LIMS1: variants seen among roughly 807,000 people sequenced by gnomAD.
LIMS1 encodes the protein LIM and senescent cell antigen-like-containing domain protein 1.
A neutral mutation model predicts 44.1 loss-of-function variants in LIMS1; 18 were observed. That is an observed-to-expected ratio of 0.41 (90% CI 0.28 to 0.61). The LOEUF is 0.61. Ranked by LOEUF, LIMS1 falls within the 20% of genes least tolerant of loss-of-function variation. The probability of loss-of-function intolerance (pLI) is 0.32; values close to 1 mark genes in which losing one functional copy is unlikely to be tolerated. For missense variants in LIMS1, 201 were observed against 422.0 expected, an observed-to-expected ratio of 0.48 and a Z score of 4.59; for synonymous variants, 93 against 149.1, an observed-to-expected ratio of 0.62 and a Z score of 2.74.
In LIMS1 at chr2:108,679,553, T is replaced by C. The variant is rs182327781; in HGVS notation, c.824-1142T>C. Reference sequence around the variant, plus strand: ...GCATTTTATATCAGGGACTTGAGCGTCTGAGATTTTGGTATCCTCACAGCA... The same window carrying C: ...GCATTTTATATCAGGGACTTGAGCGCCTGAGATTTTGGTATCCTCACAGCA... On this transcript the variant is annotated intron_variant, in intron 8 of 9. Transcript: ENST00000544547. 1.4e-3 allele frequency among the ~76,000 whole-genome samples: 215 copies of C among 152,196 alleles called. 1 individual carries two copies. The highest frequency in any genetic ancestry group is 2.2e-4 in the Non-Finnish European group (15 of 68,002).
chr2:108,678,882 C>T (rs570608639), intron 8 of LIMS1, among the ~76,000 whole-genome samples: 11 of 152,294 alleles, frequency 7.2e-5, no homozygotes, highest in Admixed American at 3.3e-4. Flanking sequence ...AGCAAGCTCA[C>T]CTAAACAACA....
rs151262934 is a variant in LIMS1, at chr2:108,552,585, G to GGTGTGT, written c.32+18014_32+18019dup. Among the ~76,000 whole-genome samples, 164 of 101,904 alleles carry GGTGTGT rather than the reference G, an allele frequency of 1.6e-3. 1 individual carries two copies. Among genetic ancestry groups the GGTGTGT allele is most frequent in the African/African-American group, 3.7e-3 (123 of 32,908 alleles). 66.9% of individuals were successfully genotyped at this position (101,904 alleles called of 152,430 possible). On this transcript the variant is annotated intron_variant, in intron 1 of 9. Transcript: ENST00000544547. Reference sequence around the variant, plus strand: ...TTGGGGTGTATATATATATATTTTGGGTGTGTGTGTGTGTGTGTGTGTGTG... The same window carrying GGTGTGT: ...TTGGGGTGTATATATATATATTTTGGGTGTGTGTGTGTGTGTGTGTGTGTGTGTGTG...
chr2:108,677,612 C>T (rs1239821139), intron 7 of LIMS1: 2 of 235,738 alleles, frequency 8.5e-6, no homozygotes, highest in Middle Eastern at 1.4e-3. Context: ...CAGCTGCAAA[C>T]GACACTTCTC....
intron 1 of LIMS1, among the ~76,000 whole-genome samples, chr2:108,594,315 C>T (rs1014254637): frequency 4.6e-5 from 7 of 152,150 alleles, no homozygotes; most frequent in African/African-American, 1.4e-4. Context: ...CCATGACTAA[C>T]CCCAAGATGA....
intron 1 of LIMS1, among the ~76,000 whole-genome samples, chr2:108,638,874 T>C (rs998637370): frequency 2.6e-5 from 4 of 152,098 alleles, no homozygotes; most frequent in Admixed American, 1.3e-4. Flanking sequence ...AAACCCCGTC[T>C]CTACTAAAAA....
intron 1 of LIMS1, among the ~76,000 whole-genome samples, chr2:108,616,440 G>A (rs921184489): frequency 6.6e-6 from 1 of 152,026 alleles, no homozygotes; most frequent in Non-Finnish European, 1.5e-5. Context: ...CAAACTCCTG[G>A]GCTCAAGCTG....
chr2:108,566,311 T>C (rs893766444), intron 1 of LIMS1, among the ~76,000 whole-genome samples: 40 of 152,230 alleles, frequency 2.6e-4, no homozygotes, highest in African/African-American at 9.6e-4. Context: ...ATGAGGGTGA[T>C]GCATTGATGC....
chr2:108,678,362 A>G (rs10190403), intron 8 of LIMS1: 408 of 390,584 alleles, frequency 1.0e-3, no homozygotes, highest in African/African-American at 7.8e-3. Flanking sequence ...TTAATCTGCT[A>G]TCGTAGTTAG....
chr2:108,611,279 T>C (rs1466777405), intron 1 of LIMS1, among the ~76,000 whole-genome samples: 1 of 152,208 alleles, frequency 6.6e-6, no homozygotes, highest in East Asian at 1.9e-4. Context: ...ATTTGGTAAG[T>C]GTATGCAAAG....
chr2:108,665,412 G>A (rs574746169), intron 2 of LIMS1, among the ~76,000 whole-genome samples: 23 of 152,204 alleles, frequency 1.5e-4, no homozygotes, highest in Non-Finnish European at 4.4e-5. Context: ...TACCATGGTA[G>A]TATATATGGT....
chr2:108,663,139 G>A (rs2438232), intron 2 of LIMS1, among the ~76,000 whole-genome samples: 4 of 151,574 alleles, frequency 2.6e-5, no homozygotes, highest in East Asian at 1.9e-4. Flanking sequence ...TTTTTCTTAA[G>A]ACAGGGTCTT....
At chr2:108,601,068 G>C (rs1020917193) in intron 1 of LIMS1, among the ~76,000 whole-genome samples, 1 of 152,114 alleles carries the variant, frequency 6.6e-6, no homozygotes, top group Non-Finnish European at 1.5e-5. Context: ...CTGAGTAGCT[G>C]GGATTACAGG....
In LIMS1 at chr2:108,553,943, T is replaced by C. The variant is rs77635519; in HGVS notation, c.32+19349T>C. ...AACATTTGTGTAGTGTTTGATGATA[T>C]AGATAGGCATGATTATCCTCATTCT... On this transcript the variant is annotated intron_variant, in intron 1 of 9. Transcript: ENST00000544547. Among the ~76,000 whole-genome samples, 58 of 152,346 alleles carry C rather than the reference T, an allele frequency of 3.8e-4. 2 individuals carry two copies. In the East Asian group the frequency reaches 0.011, roughly 29 times the overall value.
chr2:108,641,048 G>A (rs1243438927), intron 1 of LIMS1, among the ~76,000 whole-genome samples: 1 of 152,020 alleles, frequency 6.6e-6, no homozygotes, highest in Non-Finnish European at 1.5e-5. Flanking sequence ...GTCTTTCTGT[G>A]CCTGACTTAT....
At chr2:108,580,700 T>C (rs1249413892) in intron 1 of LIMS1, among the ~76,000 whole-genome samples, 3 of 152,080 alleles carry the variant, frequency 2.0e-5, no homozygotes, top group Admixed American at 6.6e-5. Flanking sequence ...CAGCTGGACA[T>C]TGGGAGGTGT....
chr2:108,534,228 GC>G (rs1684028968), upstream of LIMS1: 1 of 158,904 alleles, frequency 6.3e-6, no homozygotes, highest in Non-Finnish European at 1.4e-5. Context: ...ATGGGGGCGG[GC>G]CCGAGCCACG....
intron 1 of LIMS1, among the ~76,000 whole-genome samples, chr2:108,585,025 C>T (rs924187448): frequency 2.6e-5 from 4 of 151,786 alleles, no homozygotes; most frequent in African/African-American, 9.7e-5. Context: ...GTGGCACGTG[C>T]CTGTTGACCC....
At chr2:108,569,740 A>G (rs1356206956) in intron 1 of LIMS1, among the ~76,000 whole-genome samples, 2 of 139,234 alleles carry the variant, frequency 1.4e-5, no homozygotes, top group African/African-American at 2.6e-5. Flanking sequence ...TTATAGCATT[A>G]CAAACACTCA....
chr2:108,614,252 G>C (rs1459851298), intron 1 of LIMS1, among the ~76,000 whole-genome samples: 1 of 152,132 alleles, frequency 6.6e-6, no homozygotes, highest in African/African-American at 2.4e-5. Context: ...CACCATGCTC[G>C]GGCGCCTCCT....
Sources: gnomAD v4.1 joint callset for allele counts (sites outside exome capture counted in the v4.1 genomes callset) on GRCh38, gnomAD v4.1.1 for gene constraint, MANE v1.5 for transcripts, NCBI Gene and HGNC (gene_info 2026-07-23, HGNC 2026-07-21) for gene names.